Variants in ARHGAP44 observed in about 807,000 individuals in gnomAD.
The protein encoded by ARHGAP44 is Rho GTPase activating protein 44, also known as rho GTPase-activating protein 44.
In ARHGAP44, 43 loss-of-function variants were observed where a neutral mutation model predicts 106.8. That is an observed-to-expected ratio of 0.40 (90% confidence interval 0.32 to 0.52). The LOEUF (loss-of-function observed/expected upper bound fraction) is 0.52, where lower values mean the gene tolerates loss of function less well. Among genes scored for constraint, ARHGAP44 ranks in the 20% least tolerant of loss-of-function variants. The pLI, the probability that ARHGAP44 is intolerant of heterozygous loss-of-function variation, is 0.48. For synonymous variants in ARHGAP44, 439 were observed against 410.3 expected (o/e 1.07, Z -0.85); for missense variants, 866 against 1,050.5 (o/e 0.82, Z 2.43).
At chr17:12,877,257 C>T (rs2036585164) in intron 1 of ARHGAP44, among the ~76,000 whole-genome samples, 1 of 152,154 alleles carries the variant, frequency 6.6e-6, no homozygotes, top group African/African-American at 2.4e-5. Context: ...AAAACGAACA[C>T]CATCATCTAA....
At chr17:12,849,192 A>G (rs1390417699) in intron 1 of ARHGAP44, among the ~76,000 whole-genome samples, 2 of 150,870 alleles carry the variant, frequency 1.3e-5, no homozygotes, top group African/African-American at 2.5e-5. Context: ...TCTGCACGCC[A>G]GAGATCTTAA....
chr17:12,962,080 A>AATATAT (rs201834415), intron 16 of ARHGAP44, among the ~76,000 whole-genome samples: 3 of 150,390 alleles, frequency 2.0e-5, no homozygotes, highest in Non-Finnish European at 3.0e-5. Context: ...GTTAAAAAAA[A>AATATAT]ATATATATAT....
intron 3 of ARHGAP44, among the ~76,000 whole-genome samples, chr17:12,902,219 T>C (rs781779073): frequency 3.3e-5 from 5 of 152,152 alleles, no homozygotes; most frequent in Non-Finnish European, 7.3e-5. Flanking sequence ...TCTGTCATCA[T>C]TCTTCAGCTG....
intron 6 of ARHGAP44, 60 bp downstream of exon 6, chr17:12,919,891 G>C: frequency 2.0e-6 from 3 of 1,474,704 alleles, no homozygotes; most frequent in Non-Finnish European, 1.9e-6. Context: ...TATTTTGGGC[G>C]GGTGGGTTTT....
At chr17:12,856,368 A>G (rs2035911563) in intron 1 of ARHGAP44, among the ~76,000 whole-genome samples, 1 of 152,150 alleles carries the variant, frequency 6.6e-6, no homozygotes, top group Admixed American at 6.5e-5. Context: ...GGGCAGATGA[A>G]TCTCAAGTCT....
intron 1 of ARHGAP44, among the ~76,000 whole-genome samples, chr17:12,816,603 T>G (rs937775523): frequency 1.1e-4 from 17 of 152,042 alleles, no homozygotes; most frequent in African/African-American, 3.9e-4. Flanking sequence ...AAAAGAAAGG[T>G]GGGGTGTATT....
At chr17:12,835,833 T>G (rs2150820500) in intron 1 of ARHGAP44, among the ~76,000 whole-genome samples, 1 of 152,278 alleles carries the variant, frequency 6.6e-6, no homozygotes, top group African/African-American at 2.4e-5. Flanking sequence ...AATCACTATT[T>G]TACTTTCTGT....
rs1407665388 is a variant in ARHGAP44 at position 12,990,199 on chromosome 17, G to GTACA, written c.*34_*37dup. 1 of 1,594,866 alleles carries GTACA rather than the reference G, an allele frequency of 6.3e-7. No homozygotes were observed. The highest frequency in any genetic ancestry group is 1.3e-5 in the African/African-American group (1 of 74,602). On this transcript the variant is annotated 3_prime_UTR_variant, in exon 21 of 21. Coordinates refer to ENST00000379672, the MANE Select transcript of ARHGAP44 (RefSeq NM_014859.6). ...TGACACCGCCCATCCTGCCTCGCGTGTACATACATCACGGGCCCTAGGAAC... is the reference window on the plus strand; with the variant it reads ...TGACACCGCCCATCCTGCCTCGCGTGTACATACATACATCACGGGCCCTAGGAAC...
intron 1 of ARHGAP44, 46 bp downstream of exon 1, chr17:12,789,937 G>A: frequency 6.7e-7 from 1 of 1,483,916 alleles, no homozygotes; most frequent in South Asian, 1.3e-5. Flanking sequence ...CCGCGAGGCT[G>A]CATCCGCAGG....
At chr17:12,852,099 G>T (rs1415568618) in intron 1 of ARHGAP44, among the ~76,000 whole-genome samples, 1 of 149,388 alleles carries the variant, frequency 6.7e-6, no homozygotes, top group Non-Finnish European at 1.5e-5. Flanking sequence ...TGGGTGCAAA[G>T]CTTGCCTGCA....
chr17:12,915,890 T>G lies in ARHGAP44; in HGVS notation c.276-10T>G, dbSNP rs1278579384. ...GAGTATTCACTATTTCTTTCCCCCT[T>G]GGATTACAGGAAGATGCTGAAACTC... On this transcript the variant is annotated splice_polypyrimidine_tract_variant and intron_variant, in intron 4 of 20. Transcript: ENST00000379672. The G allele has an allele frequency of 1.9e-6, 3 of 1,611,880 alleles. No homozygotes were observed. In the African/African-American group the frequency reaches 4.0e-5, roughly 22 times the overall value.
At chr17:12,919,393 T>TTC (rs2038009330) in intron 5 of ARHGAP44, among the ~76,000 whole-genome samples, 1 of 149,932 alleles carries the variant, frequency 6.7e-6, no homozygotes, top group Admixed American at 6.6e-5. Flanking sequence ...TCTTCTTTTT[T>TTC]TTTTTTTTTT....
chr17:12,973,746 CA>C (rs2039588867), intron 17 of ARHGAP44: 1 of 506,084 alleles, frequency 2.0e-6, no homozygotes, highest in African/African-American at 2.0e-5. Flanking sequence ...GGAAGGCTGG[CA>C]GTTTACACCC....
At chr17:12,850,747 A>G (rs2035717334) in intron 1 of ARHGAP44, among the ~76,000 whole-genome samples, 1 of 152,132 alleles carries the variant, frequency 6.6e-6, no homozygotes, top group Admixed American at 6.5e-5. Context: ...GTGCCCCAAA[A>G]CCTTAACAAG....
chr17:12,917,755 G>A (rs2037960897), intron 5 of ARHGAP44, among the ~76,000 whole-genome samples: 1 of 152,160 alleles, frequency 6.6e-6, no homozygotes, highest in Admixed American at 6.5e-5. Context: ...GATAGCCACT[G>A]CCCTTAAGTG....
chr17:12,905,068 ATTTTTT>A (rs11410681), intron 3 of ARHGAP44, among the ~76,000 whole-genome samples: 4 of 137,112 alleles, frequency 2.9e-5, no homozygotes, highest in African/African-American at 1.1e-4. Flanking sequence ...CACTTGGCTA[ATTTTTT>A]TTTTTTTTTT....
intron 8 of ARHGAP44, among the ~76,000 whole-genome samples, chr17:12,942,347 A>T (rs561861359): frequency 1.3e-5 from 2 of 152,100 alleles, no homozygotes; most frequent in African/African-American, 2.4e-5. Flanking sequence ...TGGTTTCACT[A>T]TGTTGGCCAG....
At chr17:12,827,371 A>G (rs1190157078) in intron 1 of ARHGAP44, among the ~76,000 whole-genome samples, 1 of 152,130 alleles carries the variant, frequency 6.6e-6, no homozygotes, top group African/African-American at 2.4e-5. Flanking sequence ...TATTCACATC[A>G]TTATAAGGAT....
chr17:12,821,046 A>T (rs2034755526), intron 1 of ARHGAP44, among the ~76,000 whole-genome samples: 1 of 152,174 alleles, frequency 6.6e-6, no homozygotes, highest in Admixed American at 6.5e-5. Context: ...AGTTTGGCAT[A>T]TGGGAAGATA....
Sources: allele counts gnomAD v4.1 joint callset (sites outside exome capture counted in the v4.1 genomes callset), GRCh38; gene constraint gnomAD v4.1.1; transcripts MANE v1.5; gene names NCBI Gene and HGNC (gene_info 2026-07-23, HGNC 2026-07-21).